ELAVL1: variants seen among roughly 807,000 people sequenced by gnomAD.
The protein encoded by ELAVL1 is ELAV like RNA binding protein 1, also known as ELAV-like protein 1.
A neutral mutation model predicts 28.4 loss-of-function variants in ELAVL1; 1 was observed. The ratio of observed to expected loss-of-function variants is 0.04; its 90% CI spans 0.01 to 0.17. ELAVL1 has a LOEUF of 0.17. Ranked by LOEUF, ELAVL1 falls within the 10% of genes least tolerant of loss-of-function variation. ELAVL1 has a pLI of 1.00. For synonymous variants in ELAVL1, 174 were observed against 183.5 expected (o/e 0.95, Z 0.42); for missense variants, 157 against 447.2 (o/e 0.35, Z 5.85).
chr19:7,997,817 C>T (rs999380395), intron 1 of ELAVL1, among the ~76,000 whole-genome samples: 1 of 151,654 alleles, frequency 6.6e-6, no homozygotes, highest in Non-Finnish European at 1.5e-5. Context: ...AATGGTGATG[C>T]ACACCTGTAT....
At chr19:7,965,058 C>A (rs1984919304) in intron 5 of ELAVL1, among the ~76,000 whole-genome samples, 1 of 152,236 alleles carries the variant, frequency 6.6e-6, no homozygotes, top group Non-Finnish European at 1.5e-5. Flanking sequence ...CGAGAGGACA[C>A]CAGCTGCCAT....
chr19:7,995,908 T>C (rs1985862161), intron 1 of ELAVL1, among the ~76,000 whole-genome samples: 1 of 149,898 alleles, frequency 6.7e-6, no homozygotes, highest in South Asian at 2.1e-4. Flanking sequence ...GGACTTGTAG[T>C]CAGAACACTT....
At chr19:7,980,176 C>A (rs757006161) in intron 3 of ELAVL1, among the ~76,000 whole-genome samples, 2 of 152,126 alleles carry the variant, frequency 1.3e-5, no homozygotes, top group African/African-American at 4.8e-5. Context: ...GAAGCCCTTA[C>A]GTCTGTGGGT....
At chr19:7,967,463 G>A (rs534636857) in intron 5 of ELAVL1, 102 bp downstream of exon 5, 50 of 1,279,464 alleles carry the variant, frequency 3.9e-5, no homozygotes, top group South Asian at 8.8e-5. Context: ...GCTCTCTGAC[G>A]GGATCAGTCT....
chr19:7,960,025 C>CT lies in ELAVL1; in HGVS notation c.*3457dup, dbSNP rs1405402071. 6.6e-6 allele frequency: 1 copy of CT among 152,218 alleles called. No homozygotes were observed. The highest frequency in any genetic ancestry group is 1.5e-5 in the Non-Finnish European group (1 of 68,048). The allele number at this position is 152,218 out of a possible 1,614,324, so 9.4% of individuals were successfully genotyped here. A position where few individuals can be genotyped will look rare whatever the true frequency, so the allele number is the denominator to read the frequency against. The stretch of plus-strand genomic sequence containing the variant: ...CTGAATCGGATGTGAAATGTAACAG[C>CT]TGAGTGATGTCAATTTCGATTTTTC... On this transcript the variant is annotated 3_prime_UTR_variant, in exon 6 of 6. Coordinates refer to ENST00000407627, the MANE Select transcript of ELAVL1 (RefSeq NM_001419.3).
intron 1 of ELAVL1, among the ~76,000 whole-genome samples, chr19:7,998,532 C>A (rs1219838988): frequency 6.6e-6 from 1 of 152,220 alleles, no homozygotes; most frequent in Non-Finnish European, 1.5e-5. Flanking sequence ...TCAGTCGCCA[C>A]CCTCCCTTCC....
intron 1 of ELAVL1, 149 bp downstream of exon 1, chr19:8,005,346 G>A (rs1464605376): frequency 6.7e-6 from 1 of 148,364 alleles, no homozygotes; most frequent in Non-Finnish European, 1.5e-5. Flanking sequence ...CGCCCGCCGC[G>A]GCCCCAGCGC....
At chr19:8,002,786 C>G (rs981599988) in intron 1 of ELAVL1, among the ~76,000 whole-genome samples, 1 of 152,064 alleles carries the variant, frequency 6.6e-6, no homozygotes, top group Non-Finnish European at 1.5e-5. Flanking sequence ...CAGGTGGAGG[C>G]TGCAACAGGC....
At chr19:7,969,590 T>C (rs1196373665) in intron 4 of ELAVL1, among the ~76,000 whole-genome samples, 4 of 152,200 alleles carry the variant, frequency 2.6e-5, no homozygotes, top group South Asian at 2.1e-4. Context: ...GCTGTTTTCT[T>C]TGAGTCTCTC....
At chr19:7,991,916 G>A in intron 1 of ELAVL1, 85 bp from the exon 2 acceptor site, 1 of 979,578 alleles carries the variant, frequency 1.0e-6, no homozygotes, top group Non-Finnish European at 1.4e-6. Context: ...TTTGCACTTA[G>A]AGATTTTCTT....
At chr19:7,977,806 C>T (rs1985341592) in intron 3 of ELAVL1, among the ~76,000 whole-genome samples, 1 of 152,268 alleles carries the variant, frequency 6.6e-6, no homozygotes, top group Admixed American at 6.5e-5. Flanking sequence ...CACAAGGCTC[C>T]AGGAGGCCCT....
chr19:8,004,137 CAA>C (rs1052808221), intron 1 of ELAVL1, among the ~76,000 whole-genome samples: 60 of 152,334 alleles, frequency 3.9e-4, no homozygotes, highest in African/African-American at 1.3e-3. Context: ...CAAACGTCCA[CAA>C]AGTGTCAAGC....
intron 5 of ELAVL1, 48 bp downstream of exon 5, chr19:7,967,517 C>T (rs1984988410): frequency 1.3e-6 from 2 of 1,589,616 alleles, no homozygotes; most frequent in South Asian, 1.1e-5. Flanking sequence ...CGTCGCCTGC[C>T]AGCGGGGCTA....
At chr19:7,985,325 G>A (rs979366814) in intron 2 of ELAVL1, among the ~76,000 whole-genome samples, 5 of 152,216 alleles carry the variant, frequency 3.3e-5, no homozygotes, top group Admixed American at 1.3e-4. Context: ...AAGTGCAAAC[G>A]GGCCCCCAAG....
chr19:7,968,929 TGATG>T (rs1985029985), intron 4 of ELAVL1, among the ~76,000 whole-genome samples: 1 of 151,916 alleles, frequency 6.6e-6, no homozygotes, highest in African/African-American at 2.4e-5. Flanking sequence ...GGCAAGGACA[TGATG>T]GAGTCAGGGG....
At chr19:7,983,864 T>C (rs370948352) in intron 2 of ELAVL1, among the ~76,000 whole-genome samples, 22 of 152,228 alleles carry the variant, frequency 1.4e-4, no homozygotes, top group African/African-American at 5.1e-4. Context: ...GTCACTGCCC[T>C]GGGGACCGTT....
chr19:7,976,349 C>G (rs1220714088), intron 3 of ELAVL1, among the ~76,000 whole-genome samples: 3 of 151,860 alleles, frequency 2.0e-5, no homozygotes, highest in African/African-American at 7.2e-5. Flanking sequence ...TTGCAGTGAG[C>G]CGAGATCGCG....
chr19:7,995,817 T>C (rs1296319422), intron 1 of ELAVL1, among the ~76,000 whole-genome samples: 1 of 150,948 alleles, frequency 6.6e-6, no homozygotes, highest in Non-Finnish European at 1.5e-5. Flanking sequence ...CTGGATATCA[T>C]CAAAATTTGA....
intron 4 of ELAVL1, among the ~76,000 whole-genome samples, chr19:7,972,689 C>T (rs34039864): frequency 0.052 from 7,931 of 151,308 alleles, 246 homozygotes; most frequent in Non-Finnish European, 0.07. Context: ...TGTAGTGGCG[C>T]GATCACGGCT....
Sources: gnomAD v4.1 joint callset for allele counts (sites outside exome capture counted in the v4.1 genomes callset) on GRCh38, gnomAD v4.1.1 for gene constraint, MANE v1.5 for transcripts, NCBI Gene and HGNC (gene_info 2026-07-23, HGNC 2026-07-21) for gene names.